The following ZBTB8B variants were observed in gnomAD, a reference collection of about 807,000 sequenced individuals.
ZBTB8B encodes zinc finger and BTB domain containing 8B, also known as zinc finger and BTB domain-containing protein 8B.
In ZBTB8B, 17 loss-of-function variants were observed where a neutral mutation model predicts 30.3. The observed-to-expected ratio is 0.56, with a 90% CI of 0.38 to 0.84. The LOEUF is 0.84. Among genes scored for constraint, ZBTB8B ranks in the 40% least tolerant of loss-of-function variants. ZBTB8B has a pLI of 0.00. For missense variants in ZBTB8B, 515 were observed against 644.9 expected (o/e 0.80, Z 2.18); for synonymous variants, 248 against 255.6 (o/e 0.97, Z 0.28).
intron 2 of ZBTB8B, 105 bp from the exon 3 acceptor site, chr1:32,480,786 A>G: frequency 5.3e-6 from 6 of 1,123,386 alleles, no homozygotes; most frequent in Non-Finnish European, 5.0e-6. Context: ...CTCCTCTTCT[A>G]TCTGGGCTGG....
chr1:32,480,818 C>A, intron 2 of ZBTB8B, 73 bp from the exon 3 acceptor site: 1 of 1,409,288 alleles, frequency 7.1e-7, no homozygotes, highest in South Asian at 1.5e-5. Flanking sequence ...AGCTCTGGAT[C>A]CCATCCACCG....
At chr1:32,482,021 TCACCCAGG>T (rs1428061725) in intron 3 of ZBTB8B, among the ~76,000 whole-genome samples, 14 of 152,142 alleles carry the variant, frequency 9.2e-5, no homozygotes, top group African/African-American at 3.4e-4. Context: ...TCTCACTCTG[TCACCCAGG>T]CTGCAGAGAT....
rs1219191368 is a variant in ZBTB8B, at chr1:32,470,896, G to A, written c.272G>A (p.Cys91Tyr). The A allele has an allele frequency of 1.3e-6, 2 of 1,552,094 alleles. No homozygotes were observed. The highest frequency in any genetic ancestry group is 2.0e-5 in the Admixed American group (1 of 51,002). Residue 91 changes from cysteine (C) to tyrosine (Y), a missense_variant, in exon 2 of 4, where the codon TGT (cysteine) becomes TAT (tyrosine). Physicochemically the swap from Cys to Tyr is radical, Grantham distance 194. Around this residue, in one of 3 missense-constraint regions of ZBTB8B, gnomAD observed 61 missense variants for 117.7 expected, o/e 0.52. Coordinates refer to ENST00000609129, the MANE Select transcript of ZBTB8B (RefSeq NM_001145720.2). ...DFLYSGKLDL[C>Y]GENVIEVMSA... ...CTCTATTCTGGGAAGTTGGATTTGT[G>A]TGGGGAGAATGTGATTGAAGTGATG...
chr1:32,471,447 T>C lies in ZBTB8B; in HGVS notation c.823T>C (p.Tyr275His), dbSNP rs1294045786. Residue 275 changes from tyrosine (Y) to histidine (H), a missense_variant, in exon 2 of 4, where the codon TAC (tyrosine) becomes CAC (histidine). Tyr to His is a moderately conservative substitution (Grantham distance 83). This residue lies in a region of ZBTB8B where 429 missense variants were observed against 504.3 expected (regional missense o/e 0.85). Coordinates refer to ENST00000609129, the MANE Select transcript of ZBTB8B (RefSeq NM_001145720.2). ...GQAVDLAYSN[Y>H]HVKQFLEALL... is the part of the protein sequence containing the mutation. ...GGCGGTTGACTTGGCTTACAGCAACTACCACGTGAAGCAGTTCCTGGAGGC... is the reference window on the plus strand; with the variant it reads ...GGCGGTTGACTTGGCTTACAGCAACCACCACGTGAAGCAGTTCCTGGAGGC... 1 of 1,551,704 alleles carries C rather than the reference T, an allele frequency of 6.4e-7. No homozygotes were observed. The highest frequency in any genetic ancestry group is 1.4e-5 in the African/African-American group (1 of 73,066).
intron 2 of ZBTB8B, 135 bp from the exon 3 acceptor site, chr1:32,480,756 C>T (rs1643697644): frequency 1.4e-6 from 1 of 729,450 alleles, no homozygotes; most frequent in Non-Finnish European, 2.2e-6. Flanking sequence ...TTGCTGTTGG[C>T]TGGTGGCGGA....
chr1:32,470,432 G>A (rs1019533113), intron 1 of ZBTB8B, among the ~76,000 whole-genome samples, 152 bp from the exon 2 acceptor site: 19 of 149,036 alleles, frequency 1.3e-4, no homozygotes, highest in African/African-American at 3.5e-4. Flanking sequence ...CCCAGGAGGC[G>A]GAGGTTGCAG....
At chr1:32,472,324 T>C (rs1643630556) in intron 2 of ZBTB8B, among the ~76,000 whole-genome samples, 1 of 152,216 alleles carries the variant, frequency 6.6e-6, no homozygotes, top group East Asian at 1.9e-4. Context: ...TCTCTTTGAG[T>C]CTGTTTTGTC....
chr1:32,474,343 C>CAAAAAAAAAAAAAAA lies in ZBTB8B; in HGVS notation c.991+2753_991+2767dup, dbSNP rs57001984. On this transcript the variant is annotated intron_variant, in intron 2 of 3. Transcript: ENST00000609129. ...GCAAGATGGCAAAACCCCATCTCTA[C>CAAAAAAAAAAAAAAA]AAAAAAAAAAAAAAAAAAAAAAAAA... is the stretch of plus-strand genomic sequence containing the variant. Among the ~76,000 whole-genome samples the CAAAAAAAAAAAAAAA allele has an allele frequency of 3.3e-4, 13 of 39,166 alleles. 1 individual carries two copies. Among genetic ancestry groups the CAAAAAAAAAAAAAAA allele is most frequent in the African/African-American group, 3.9e-4 (4 of 10,204 alleles). The allele number at this position is 39,166 out of a possible 152,430, so 25.7% of individuals were successfully genotyped here.
chr1:32,471,480 C>G lies in ZBTB8B; in HGVS notation c.856C>G (p.Arg286Gly), dbSNP rs188525493. The G allele has an allele frequency of 2.3e-5, 36 of 1,551,700 alleles. No individual in the cohort carries two copies. Among genetic ancestry groups the G allele is most frequent in the Non-Finnish European group, 1.8e-5 (21 of 1,147,024 alleles). ...HVKQFLEALLRNSAAPSKDDA... is the reference protein window; with the variant it reads ...HVKQFLEALLGNSAAPSKDDA... ...GAAGCAGTTCCTGGAGGCGCTCTTGCGCAACAGCGCTGCCCCGAGCAAGGA... is the reference window on the plus strand; with the variant it reads ...GAAGCAGTTCCTGGAGGCGCTCTTGGGCAACAGCGCTGCCCCGAGCAAGGA... Residue 286 changes from arginine to glycine, a missense_variant, in exon 2 of 4, where the codon CGC becomes GGC. Transcript: ENST00000609129.
rs191495915 is a variant in ZBTB8B at position 32,471,563 on chromosome 1, A to T, written c.939A>T (p.Val313=). The T allele has an allele frequency of 6.4e-7, 1 of 1,551,804 alleles. No individual in the cohort carries two copies. Among genetic ancestry groups the T allele is most frequent in the East Asian group, 2.4e-5 (1 of 40,926 alleles). The part of the protein sequence containing the change: ...SLEGRPEGAG[V]AMSSMMDVQA... ...AAGGAAGACCAGAAGGTGCAGGAGT[A>T]GCCATGAGTTCCATGATGGATGTCC... Residue 313 remains valine, a synonymous_variant, in exon 2 of 4, where the codon GTA becomes GTT. Coordinates refer to ENST00000609129, the MANE Select transcript of ZBTB8B (RefSeq NM_001145720.2).
In ZBTB8B at chr1:32,472,448, A is replaced by G. The variant is rs971499231; in HGVS notation, c.991+833A>G. On this transcript the variant is annotated intron_variant, in intron 2 of 3. Transcript: ENST00000609129. ...TCACATATCATCTTAGATTTCCTCT[A>G]TGCTGGGAGGTCAGTTTTGTGTGGG... 4.6e-5 allele frequency among the ~76,000 whole-genome samples: 7 copies of G among 152,184 alleles called. No homozygotes were observed. In the East Asian group the frequency reaches 1.3e-3, roughly 29 times the overall value.
rs1369248103 is a variant in ZBTB8B, at chr1:32,490,933, G to C, written c.*5515G>C. The C allele has an allele frequency of 6.6e-6, 1 of 152,188 alleles. No individual in the cohort carries two copies. The highest frequency in any genetic ancestry group is 1.5e-5 in the Non-Finnish European group (1 of 68,030). 9.4% of individuals were successfully genotyped at this position (152,188 alleles called of 1,614,324 possible). A position where few individuals can be genotyped will look rare whatever the true frequency, so the allele number is the denominator to read the frequency against. Reference sequence around the variant, plus strand: ...AAAGGTGACAGTAACTCACATGACTGCATGATCGGATGACATGGAAACTTC... The same window carrying C: ...AAAGGTGACAGTAACTCACATGACTCCATGATCGGATGACATGGAAACTTC... On this transcript the variant is annotated 3_prime_UTR_variant, in exon 4 of 4. Coordinates refer to ENST00000609129, the MANE Select transcript of ZBTB8B (RefSeq NM_001145720.2).
rs1387211718 is a variant in ZBTB8B, at chr1:32,486,078, G to A, written c.*660G>A. ...AAATTTTAAGTTAGCCCTGAGAAGG[G>A]AGGCTATGACCCCAGGTCTGGATGG... On this transcript the variant is annotated 3_prime_UTR_variant, in exon 4 of 4. Coordinates refer to ENST00000609129, the MANE Select transcript of ZBTB8B (RefSeq NM_001145720.2). 1 of 152,514 alleles carries A rather than the reference G, an allele frequency of 6.6e-6. No individual in the cohort carries two copies. The highest frequency in any genetic ancestry group is 6.5e-5 in the Admixed American group (1 of 15,310). 9.4% of individuals were successfully genotyped at this position (152,514 alleles called of 1,614,324 possible).
intron 2 of ZBTB8B, among the ~76,000 whole-genome samples, chr1:32,472,738 C>G (rs745644963): frequency 6.6e-6 from 1 of 152,128 alleles, no homozygotes; most frequent in Non-Finnish European, 1.5e-5. Context: ...CTCAGCCTCC[C>G]GAGTAGCTGG....
rs1643785135 is a variant in ZBTB8B at position 32,492,374 on chromosome 1, C to T, written c.*6956C>T. On this transcript the variant is annotated 3_prime_UTR_variant, in exon 4 of 4. Transcript: ENST00000609129. ...CTGGAGTGCAGTGGTGCAATCTCGG[C>T]TCACCACAACCTCCGCCTCCTGGAT... 1 of 150,060 alleles carries T rather than the reference C, an allele frequency of 6.7e-6. No homozygotes were observed. The highest frequency in any genetic ancestry group is 2.5e-5 in the African/African-American group (1 of 40,304). 9.3% of individuals were successfully genotyped at this position (150,060 alleles called of 1,614,324 possible). A position where few individuals can be genotyped will look rare whatever the true frequency, so the allele number is the denominator to read the frequency against.
Position 32,471,481 on chromosome 1 carries a change from G to T in ZBTB8B, c.857G>T (p.Arg286Leu), listed in dbSNP as rs890494700. The T allele has an allele frequency of 1.3e-6, 2 of 1,551,836 alleles. No individual in the cohort carries two copies. The highest frequency in any genetic ancestry group is 1.7e-6 in the Non-Finnish European group (2 of 1,147,020). Residue 286 changes from arginine (R) to leucine (L), a missense_variant, in exon 2 of 4, where the codon CGC becomes CTC. Arg to Leu is a moderately radical substitution (Grantham distance 102, BLOSUM62 -2). Transcript: ENST00000609129. ...AAGCAGTTCCTGGAGGCGCTCTTGC[G>T]CAACAGCGCTGCCCCGAGCAAGGAT... Reference protein sequence around the residue: ...HVKQFLEALLRNSAAPSKDDA... With the variant: ...HVKQFLEALLLNSAAPSKDDA...
chr1:32,482,022 C>T (rs1643709203), intron 3 of ZBTB8B, among the ~76,000 whole-genome samples: 2 of 152,048 alleles, frequency 1.3e-5, no homozygotes, highest in Admixed American at 1.3e-4. Flanking sequence ...CTCACTCTGT[C>T]ACCCAGGCTG....
At chr1:32,480,740 G>A (rs1464659677) in intron 2 of ZBTB8B, 151 bp from the exon 3 acceptor site, 12 of 645,726 alleles carry the variant, frequency 1.9e-5, no homozygotes, top group Middle Eastern at 3.7e-4. Context: ...AATTGCAGAC[G>A]ATGTCTTGCT....
chr1:32,490,380 G>C lies in ZBTB8B; in HGVS notation c.*4962G>C, dbSNP rs746912830. ...AGGGACACTTTATTCAGGTGCATAT[G>C]ATGGGCACTGTTTTCATTGATTTCT... On this transcript the variant is annotated 3_prime_UTR_variant, in exon 4 of 4. Coordinates refer to ENST00000609129, the MANE Select transcript of ZBTB8B (RefSeq NM_001145720.2). The C allele has an allele frequency of 6.6e-6, 1 of 152,148 alleles. No individual in the cohort carries two copies. Among genetic ancestry groups the C allele is most frequent in the Non-Finnish European group, 1.5e-5 (1 of 68,026 alleles). 9.4% of individuals were successfully genotyped at this position (152,148 alleles called of 1,614,324 possible). A position where few individuals can be genotyped will look rare whatever the true frequency, so the allele number is the denominator to read the frequency against.
Sources: allele counts gnomAD v4.1 joint callset (sites outside exome capture counted in the v4.1 genomes callset), GRCh38; gene constraint gnomAD v4.1.1; regional missense constraint gnomAD v4.1.1; transcripts MANE v1.5; gene names NCBI Gene and HGNC (gene_info 2026-07-23, HGNC 2026-07-21).